Variants in POLR2B observed in about 807,000 individuals in gnomAD.
POLR2B encodes RNA polymerase II subunit B, also known as DNA-directed RNA polymerase II subunit RPB2.
In POLR2B, 57 loss-of-function variants were observed where a neutral mutation model predicts 144.6. The observed-to-expected ratio is 0.39, with a 90% CI of 0.32 to 0.49. The LOEUF is 0.49. POLR2B is among the 20% of genes least tolerant of loss of function. The pLI, the probability that POLR2B is intolerant of heterozygous loss-of-function variation, is 0.83. For synonymous variants in POLR2B, 442 were observed against 469.8 expected (o/e 0.94, Z 0.77); for missense variants, 595 against 1,467.4 (o/e 0.41, Z 9.71).
chr4:57,028,886 T>C (rs1723808158), intron 23 of POLR2B, among the ~76,000 whole-genome samples: 1 of 152,244 alleles, frequency 6.6e-6, no homozygotes, highest in Admixed American at 6.5e-5. Context: ...TTAATCAGTA[T>C]ACAGATAAGG....
At chr4:57,015,726 C>A (rs1723345217) in intron 14 of POLR2B, 70 bp downstream of exon 14, 1 of 615,872 alleles carries the variant, frequency 1.6e-6, no homozygotes, top group Non-Finnish European at 2.5e-6. Context: ...GTAAAATTAA[C>A]CTTTTTTTAT....
Position 56,995,429 on chromosome 4 carries a change from C to G in POLR2B, c.735+20C>G. 1 of 1,547,912 alleles carries G rather than the reference C, an allele frequency of 6.5e-7. No individual in the cohort carries two copies. Among genetic ancestry groups the G allele is most frequent in the South Asian group, 1.2e-5 (1 of 82,062 alleles). On this transcript the variant is annotated intron_variant, in intron 6 of 24. Coordinates refer to ENST00000314595, the MANE Select transcript of POLR2B (RefSeq NM_000938.3). ...GGACAGGTATGGACTGGATATGATG[C>G]TATTTGGGTTTATTCCTTTGTGCTT...
intron 23 of POLR2B, among the ~76,000 whole-genome samples, chr4:57,028,900 A>G (rs1213281639): frequency 6.6e-6 from 1 of 152,220 alleles, no homozygotes; most frequent in Non-Finnish European, 1.5e-5. Context: ...GATAAGGTCC[A>G]TGCTTTGCAA....
chr4:57,013,572 C>CT (rs34158495), intron 13 of POLR2B, among the ~76,000 whole-genome samples: 55,401 of 149,984 alleles, frequency 0.37, 10,513 homozygotes, highest in South Asian at 0.46. Flanking sequence ...GGATGTCTCT[C>CT]TGTCACCCAG....
intron 3 of POLR2B, 98 bp downstream of exon 3, chr4:56,990,996 G>T: frequency 2.2e-6 from 2 of 908,928 alleles, no homozygotes; most frequent in Non-Finnish European, 3.2e-6. Context: ...AAAGTCAGTT[G>T]GAGCTTTTAG....
At chr4:57,004,882 G>T (rs149705703) in intron 7 of POLR2B, among the ~76,000 whole-genome samples, 3 of 152,010 alleles carry the variant, frequency 2.0e-5, no homozygotes, top group African/African-American at 7.2e-5. Context: ...TGGGGGTTTC[G>T]CCATGTTGCC....
intron 1 of POLR2B, among the ~76,000 whole-genome samples, chr4:56,983,705 G>A (rs1433883558): frequency 6.6e-6 from 1 of 151,880 alleles, no homozygotes; most frequent in Non-Finnish European, 1.5e-5. Context: ...CGGGGGTCTC[G>A]CTTTGTGGCT....
chr4:56,989,778 C>T (rs555662160), intron 2 of POLR2B, among the ~76,000 whole-genome samples: 86 of 152,242 alleles, frequency 5.6e-4, no homozygotes, highest in African/African-American at 1.8e-3. Flanking sequence ...CATCCTCCAG[C>T]CTCTGTGATG....
intron 2 of POLR2B, 72 bp downstream of exon 2, chr4:56,986,498 G>T: frequency 1.2e-6 from 1 of 854,532 alleles, no homozygotes; most frequent in Non-Finnish European, 2.0e-6. Flanking sequence ...TTGATAAATA[G>T]CTCTTCTATA....
intron 10 of POLR2B, 107 bp downstream of exon 10, chr4:57,007,109 A>G: frequency 1.2e-6 from 1 of 868,562 alleles, no homozygotes; most frequent in Non-Finnish European, 1.8e-6. Flanking sequence ...TTTCTTGGTC[A>G]AAGGTAAAAC....
chr4:57,008,323 C>T (rs1723085945), intron 10 of POLR2B, among the ~76,000 whole-genome samples: 1 of 152,078 alleles, frequency 6.6e-6, no homozygotes, highest in Non-Finnish European at 1.5e-5. Context: ...CTGCCTCAGC[C>T]TCCCGAGTAG....
At chr4:57,026,739 C>A (rs201394897) in intron 23 of POLR2B, among the ~76,000 whole-genome samples, 2 of 136,428 alleles carry the variant, frequency 1.5e-5, no homozygotes, top group African/African-American at 5.5e-5. Context: ...CCAGCCTGGG[C>A]GACAGAGTGA....
At chr4:57,013,176 A>G (rs1017705863) in intron 13 of POLR2B, among the ~76,000 whole-genome samples, 2 of 152,014 alleles carry the variant, frequency 1.3e-5, no homozygotes, top group Admixed American at 6.6e-5. Context: ...GGGTTTTGCC[A>G]TAGTTGGCCA....
intron 1 of POLR2B, among the ~76,000 whole-genome samples, chr4:56,983,691 G>C (rs1020672184): frequency 6.6e-6 from 1 of 151,914 alleles, no homozygotes; most frequent in Non-Finnish European, 1.5e-5. Flanking sequence ...GAAAATTTTA[G>C]AGACGGGGGT....
In POLR2B at chr4:57,017,370, G is replaced by A. The variant is rs1723403053; in HGVS notation, c.2154+129G>A. The A allele has an allele frequency of 2.5e-6, 2 of 792,552 alleles. No homozygotes were observed. The highest frequency in any genetic ancestry group is 4.9e-5 in the East Asian group (2 of 40,540). The allele number at this position is 792,552 out of a possible 1,614,324, so 49.1% of individuals were successfully genotyped here. ...AAGGCTATTAACTCCTACGGAATCA[G>A]TATTTGATATAATTGCTGTTGTGTT... On this transcript the variant is annotated intron_variant, in intron 15 of 24. Transcript: ENST00000314595. This position sits in a 1 kb window ranked among gnomAD's most constrained non-coding sequence, Gnocchi z 4.8.
At chr4:57,028,854 G>C (rs1218969875) in intron 23 of POLR2B, among the ~76,000 whole-genome samples, 2 of 152,188 alleles carry the variant, frequency 1.3e-5, no homozygotes, top group Admixed American at 1.3e-4. Context: ...TATCACATAA[G>C]TTTTTTAAAG....
intron 23 of POLR2B, among the ~76,000 whole-genome samples, chr4:57,028,508 A>G (rs73818828): frequency 0.025 from 3,881 of 152,208 alleles, 166 homozygotes; most frequent in African/African-American, 0.089. Context: ...TAATAAAACT[A>G]TTTATTTTCA....
chr4:56,986,377 G>A lies in POLR2B; in HGVS notation c.43G>A (p.Asp15Asn). Residue 15 changes from aspartate (D) to asparagine (N), a missense_variant, in exon 2 of 25, where the codon GAT becomes AAT. Physicochemically the swap from Asp to Asn is conservative, Grantham distance 23. Around this residue, in one of 9 missense-constraint regions of POLR2B, gnomAD observed 25 missense variants for 26.1 expected, o/e 0.96. Transcript: ENST00000314595. The stretch of plus-strand genomic sequence containing the variant: ...AGATATGCAATATGATGAGGATGAT[G>A]ATGAAATCACCCCGGATTTGTGGCA... ...DEDMQYDEDD[D>N]EITPDLWQEA... 2 of 1,612,042 alleles carry A rather than the reference G, an allele frequency of 1.2e-6. No individual in the cohort carries two copies. Among genetic ancestry groups the A allele is most frequent in the Non-Finnish European group, 1.7e-6 (2 of 1,178,216 alleles).
intron 3 of POLR2B, among the ~76,000 whole-genome samples, chr4:56,992,280 T>C (rs1369295844): frequency 6.6e-6 from 1 of 151,302 alleles, no homozygotes; most frequent in African/African-American, 2.4e-5. Flanking sequence ...CTGGCCAATA[T>C]GGTGAAACCC....
Sources: allele counts gnomAD v4.1 joint callset (sites outside exome capture counted in the v4.1 genomes callset), GRCh38; gene constraint gnomAD v4.1.1; regional missense constraint gnomAD v4.1.1; non-coding constraint Gnocchi (gnomAD v3.1); transcripts MANE v1.5; gene names NCBI Gene and HGNC (gene_info 2026-07-23, HGNC 2026-07-21).